BBOF1: variants seen among roughly 807,000 people sequenced by gnomAD.
BBOF1 encodes the protein basal body-orientation factor 1.
BBOF1 carries 62 observed loss-of-function variants against 68.0 expected under a neutral mutation model. That is an observed-to-expected ratio of 0.91 (90% CI 0.74 to 1.13). BBOF1 has a LOEUF of 1.13. BBOF1 is among the 50% of genes most tolerant of loss of function. The pLI is 0.00. For missense variants in BBOF1, 534 were observed against 600.1 expected, an observed-to-expected ratio of 0.89 and a Z score of 1.15; for synonymous variants, 208 against 198.8, an observed-to-expected ratio of 1.05 and a Z score of -0.39.
chr14:74,019,620 C>T, intron 1 of BBOF1, 86 bp downstream of exon 1: 5 of 1,533,478 alleles, frequency 3.3e-6, no homozygotes, highest in Non-Finnish European at 4.4e-6. Flanking sequence ...GCCCCCCGCG[C>T]CGGCCCACTC....
intron 8 of BBOF1, among the ~76,000 whole-genome samples, chr14:74,052,931 TCGAGGCTGCAGTGAGC>T (rs1415748208): frequency 5.6e-5 from 8 of 142,938 alleles, no homozygotes; most frequent in African/African-American, 1.8e-4. Context: ...GCCCAGGAGT[TCGAGGCTGCAGTGAGC>T]CATGGCTGCA....
At chr14:74,047,486 A>G (rs2059977337) in intron 6 of BBOF1, among the ~76,000 whole-genome samples, 1 of 151,832 alleles carries the variant, frequency 6.6e-6, no homozygotes, top group Admixed American at 6.6e-5. Context: ...GCTGGAGTGC[A>G]GTGGTACAAT....
intron 12 of BBOF1, among the ~76,000 whole-genome samples, chr14:74,082,106 G>A (rs1396192004): frequency 6.6e-6 from 1 of 152,166 alleles, no homozygotes; most frequent in Non-Finnish European, 1.5e-5. Flanking sequence ...TCGGAGGGCT[G>A]AGATGGAAGA....
At chr14:74,071,698 T>C in intron 9 of BBOF1, 1 of 1,486,630 alleles carries the variant, frequency 6.7e-7, no homozygotes, top group Admixed American at 2.1e-5. Flanking sequence ...ATATACCCAC[T>C]GGAAGATCAT....
intron 8 of BBOF1, among the ~76,000 whole-genome samples, chr14:74,053,994 C>T (rs2060126767): frequency 6.6e-6 from 1 of 152,100 alleles, no homozygotes; most frequent in Non-Finnish European, 1.5e-5. Context: ...CCTGCCTCAG[C>T]CTCCCAAATA....
intron 12 of BBOF1, among the ~76,000 whole-genome samples, chr14:74,082,427 T>A (rs1287569073): frequency 1.6e-5 from 2 of 124,954 alleles, no homozygotes; most frequent in Non-Finnish European, 3.2e-5. Context: ...TTTGATGGAG[T>A]CTTGCTCTGT....
At chr14:74,021,609 G>A (rs2059299838) in intron 1 of BBOF1, among the ~76,000 whole-genome samples, 1 of 151,642 alleles carries the variant, frequency 6.6e-6, no homozygotes, top group East Asian at 1.9e-4. Context: ...AAAAAGTCCG[G>A]TGAACTGTGG....
At chr14:74,081,403 C>A (rs958790713) in intron 12 of BBOF1, 1 of 152,106 alleles carries the variant, frequency 6.6e-6, no homozygotes, top group African/African-American at 2.4e-5. Context: ...GCATTCTAGG[C>A]CACTTAAATT....
intron 9 of BBOF1, 153 bp from the exon 10 acceptor site, chr14:74,056,753 T>C (rs1455931147): frequency 6.5e-6 from 4 of 614,380 alleles, no homozygotes; most frequent in Admixed American, 3.1e-5. Flanking sequence ...TGCATGCCTG[T>C]ATCAAAACAT....
At chr14:74,067,343 T>A, downstream of BBOF1, 2 of 1,611,448 alleles carry the variant, frequency 1.2e-6, no homozygotes, top group Non-Finnish European at 8.5e-7. Context: ...ATGCCACAGA[T>A]GCAAAATCTA....
intron 1 of BBOF1, among the ~76,000 whole-genome samples, chr14:74,021,596 A>G (rs1250006653): frequency 1.3e-5 from 2 of 152,072 alleles, no homozygotes; most frequent in East Asian, 3.9e-4. Context: ...TTCAAAAAAA[A>G]AAAAAAAGTC....
chr14:74,026,444 CAAAAAAAAAAAA>C (rs1166375665), intron 2 of BBOF1, among the ~76,000 whole-genome samples: 3 of 33,082 alleles, frequency 9.1e-5, no homozygotes, highest in South Asian at 2.7e-3. Context: ...AACTCCATCT[CAAAAAAAAAAAA>C]AAAAAAAAAA....
At chr14:74,042,219 A>C (rs2059839534) in intron 5 of BBOF1, among the ~76,000 whole-genome samples, 1 of 152,194 alleles carries the variant, frequency 6.6e-6, no homozygotes, top group Non-Finnish European at 1.5e-5. Context: ...AAGTGGCTCT[A>C]GGTTCCAGTT....
downstream of BBOF1, among the ~76,000 whole-genome samples, chr14:74,067,135 G>A (rs1008280274): frequency 3.3e-5 from 5 of 152,144 alleles, no homozygotes; most frequent in Non-Finnish European, 5.9e-5. Context: ...GATCACTTGA[G>A]CCCAACAGTT....
In BBOF1 at chr14:74,034,522, G is replaced by A. The variant is rs2059651648; in HGVS notation, c.495+351G>A. On this transcript the variant is annotated intron_variant, in intron 4 of 11. Coordinates refer to ENST00000394009, the MANE Select transcript of BBOF1 (RefSeq NM_025057.3). ...ACTTCTAAAGAAAAATGTTTAGGCTGATGAATGATAGTTTTAGAGAAATTT... is the reference window on the plus strand; with the variant it reads ...ACTTCTAAAGAAAAATGTTTAGGCTAATGAATGATAGTTTTAGAGAAATTT... Among the ~76,000 whole-genome samples, 4 of 152,212 alleles carry A rather than the reference G, an allele frequency of 2.6e-5. No homozygotes were observed. In the South Asian group the frequency reaches 8.3e-4, roughly 31 times the overall value.
chr14:74,067,562 T>C (rs775954592), downstream of BBOF1: 1 of 1,614,014 alleles, frequency 6.2e-7, no homozygotes, highest in Non-Finnish European at 8.5e-7. Flanking sequence ...CCCATGGTTC[T>C]TGGCTCCCTA....
intron 1 of BBOF1, among the ~76,000 whole-genome samples, chr14:74,021,254 T>C (rs1223686991): frequency 9.4e-4 from 143 of 152,246 alleles, no homozygotes; most frequent in Non-Finnish European, 1.6e-4. Context: ...CCATCCTTTT[T>C]CCTCTCCACC....
At chr14:74,028,951 CA>C in intron 2 of BBOF1, among the ~76,000 whole-genome samples, 1 of 58,198 alleles carries the variant, frequency 1.7e-5, no homozygotes, top group Admixed American at 1.9e-4. Context: ...TTTTTAACCA[CA>C]CACACACACA....
rs201935817 is a variant in BBOF1 at position 74,071,905 on chromosome 14, G to A, written n.1380-6291G>A. 8.1e-6 allele frequency: 13 copies of A among 1,614,064 alleles called. No individual in the cohort carries two copies. The East Asian group carries it at 8.9e-5, about 11-fold the overall frequency. On this transcript the variant is annotated intron_variant and non_coding_transcript_variant, in intron 9 of 12. Transcript: ENST00000492026. Reference sequence around the variant, plus strand: ...GGGGCTCCCAGCTTACGAAGGCCTCGAAATACATCTCCTTCAGCATCAGCT... The same window carrying A: ...GGGGCTCCCAGCTTACGAAGGCCTCAAAATACATCTCCTTCAGCATCAGCT...
Sources: allele counts gnomAD v4.1 joint callset (sites outside exome capture counted in the v4.1 genomes callset), GRCh38; gene constraint gnomAD v4.1.1; transcripts MANE v1.5; gene names NCBI Gene and HGNC (gene_info 2026-07-23, HGNC 2026-07-21).